Variants in STK33 observed in about 807,000 individuals in gnomAD.
STK33 encodes the protein serine/threonine kinase 33, also known as serine/threonine-protein kinase 33.
A neutral mutation model predicts 58.0 loss-of-function variants in STK33; 52 were observed. The ratio of observed to expected loss-of-function variants is 0.90; its 90% CI spans 0.72 to 1.13. The LOEUF (loss-of-function observed/expected upper bound fraction) is 1.13, where lower values mean the gene tolerates loss of function less well. Ranked by LOEUF, STK33 falls within the 50% of genes most tolerant of loss-of-function variation. The pLI is 0.00. For missense variants in STK33, 630 were observed against 604.2 expected, an observed-to-expected ratio of 1.04 and a Z score of -0.45; for synonymous variants, 215 against 200.1, an observed-to-expected ratio of 1.07 and a Z score of -0.63.
the STK33 span, among the ~76,000 whole-genome samples, chr11:8,357,385 T>C: frequency 6.6e-6 from 1 of 152,242 alleles, no homozygotes; most frequent in Non-Finnish European, 1.5e-5. Flanking sequence ...GTGATGGGGC[T>C]GGAGCTGGTC....
chr11:8,411,472 TG>T (rs1181841695), intron 15 of STK33, among the ~76,000 whole-genome samples: 1 of 152,216 alleles, frequency 6.6e-6, no homozygotes, highest in Non-Finnish European at 1.5e-5. Flanking sequence ...CTTTTGTTTT[TG>T]TTTTTAACAC....
intron 1 of STK33, among the ~76,000 whole-genome samples, chr11:8,520,348 A>C (rs1953290321): frequency 6.6e-6 from 1 of 152,184 alleles, no homozygotes; most frequent in African/African-American, 2.4e-5. Flanking sequence ...ATATCTCAAA[A>C]TAATAAGAGC....
At chr11:8,459,260 C>A (rs971862732) in intron 8 of STK33, among the ~76,000 whole-genome samples, 1 of 152,258 alleles carries the variant, frequency 6.6e-6, no homozygotes, top group Admixed American at 6.5e-5. Flanking sequence ...TGATCAGTAC[C>A]ATGGCACAAC....
chr11:8,477,409 G>A (rs1442130807), intron 2 of STK33, 126 bp from the exon 3 acceptor site: 4 of 152,078 alleles, frequency 2.6e-5, no homozygotes, highest in Admixed American at 1.3e-4. Context: ...TTCTCTCTGA[G>A]GTGTAGAGAA....
At chr11:8,538,317 T>C (rs947429018) in intron 1 of STK33, among the ~76,000 whole-genome samples, 3 of 152,208 alleles carry the variant, frequency 2.0e-5, no homozygotes, top group Non-Finnish European at 4.4e-5. Flanking sequence ...GGCACTACAA[T>C]TATCTGAATT....
chr11:8,382,215 G>A, the STK33 span, among the ~76,000 whole-genome samples: 1 of 152,248 alleles, frequency 6.6e-6, no homozygotes, highest in Admixed American at 6.5e-5. Context: ...ACATTGGGGT[G>A]ACACTTGGGA....
intron 2 of STK33, among the ~76,000 whole-genome samples, chr11:8,479,569 A>C (rs1490278601): frequency 6.6e-6 from 1 of 152,028 alleles, no homozygotes; most frequent in Non-Finnish European, 1.5e-5. Context: ...CTGGCCAGGC[A>C]CAGTGGTTCA....
chr11:8,444,946 T>C (rs775017832), intron 11 of STK33, among the ~76,000 whole-genome samples: 2 of 152,158 alleles, frequency 1.3e-5, no homozygotes, highest in Admixed American at 6.5e-5. Flanking sequence ...GGTAGCTTGA[T>C]GGGGATAGCA....
In STK33 at chr11:8,392,498, C is replaced by A. The variant is rs1175679258; in HGVS notation, c.*12G>T. On this transcript the variant is annotated 3_prime_UTR_variant, in exon 16 of 16. Coordinates refer to ENST00000687296, the MANE Select transcript of STK33 (RefSeq NM_001352389.2). The stretch of plus-strand genomic sequence containing the variant: ...AGCTTTGTTTTTGTACTGTCCAACA[C>A]TGGAGGGAACCTTAGAGTTTCTTTT... 1.9e-6 allele frequency: 3 copies of A among 1,613,904 alleles called. No homozygotes were observed. Among genetic ancestry groups the A allele is most frequent in the Non-Finnish European group, 2.5e-6 (3 of 1,180,006 alleles).
At chr11:8,579,861 A>G (rs901077473) in intron 1 of STK33, among the ~76,000 whole-genome samples, 2 of 152,198 alleles carry the variant, frequency 1.3e-5, no homozygotes, top group Non-Finnish European at 2.9e-5. Context: ...CGGGTATATA[A>G]AAAGGTGTTC....
intron 1 of STK33, chr11:8,533,470 C>T (rs1954711228): frequency 1.3e-5 from 2 of 152,238 alleles, no homozygotes; most frequent in Non-Finnish European, 2.9e-5. Flanking sequence ...GAAGGTGGCA[C>T]CAGAGAACTA....
At chr11:8,587,814 C>T (rs2031952108) in intron 1 of STK33, among the ~76,000 whole-genome samples, 1 of 152,152 alleles carries the variant, frequency 6.6e-6, no homozygotes, top group South Asian at 2.1e-4. Context: ...CAAAGGGGCA[C>T]CCATATGGGT....
chr11:8,533,256 G>T (rs1370931719), intron 1 of STK33: 5 of 152,098 alleles, frequency 3.3e-5, no homozygotes, highest in African/African-American at 1.2e-4. Context: ...TTCAAGATTT[G>T]CATATTTACA....
chr11:8,429,677 C>T (rs10500704), intron 14 of STK33, among the ~76,000 whole-genome samples: 32,561 of 151,922 alleles, frequency 0.21, 3,858 homozygotes, highest in South Asian at 0.35. Flanking sequence ...ACTGAAGTTC[C>T]GTCTGTCCTG....
Position 8,521,359 on chromosome 11 carries a change from C to A in STK33, c.-465-40745G>T, listed in dbSNP as rs551403341. 3.2e-3 allele frequency among the ~76,000 whole-genome samples: 486 copies of A among 152,168 alleles called. 7 individuals are homozygous for A. The highest frequency in any genetic ancestry group is 0.029 in the South Asian group (141 of 4,814). ...CATCTGATCTTTGACAAACCTTACA[C>A]AAACAAGAAATGGGGAAAGGATTCC... On this transcript the variant is annotated intron_variant, in intron 1 of 15. Transcript: ENST00000687296.
At chr11:8,483,163 G>A (rs1206052712) in intron 1 of STK33, among the ~76,000 whole-genome samples, 1 of 152,060 alleles carries the variant, frequency 6.6e-6, no homozygotes, top group Non-Finnish European at 1.5e-5. Context: ...AGTTTCATGG[G>A]GAAGGTAATA....
intron 8 of STK33, 75 bp from the exon 9 acceptor site, chr11:8,457,554 A>G: frequency 8.2e-7 from 1 of 1,215,942 alleles, no homozygotes; most frequent in East Asian, 2.4e-5. Flanking sequence ...TATATCACAT[A>G]TACAATCACA....
the STK33 span, among the ~76,000 whole-genome samples, chr11:8,361,721 G>C: frequency 6.6e-6 from 1 of 152,212 alleles, no homozygotes; most frequent in Admixed American, 6.5e-5. This position sits in a 1 kb window ranked among gnomAD's most constrained non-coding sequence, Gnocchi z 4.8. Context: ...TGTCTTATCT[G>C]TACGTGGAGC....
intron 1 of STK33, among the ~76,000 whole-genome samples, chr11:8,489,099 T>C (rs1950390846): frequency 6.6e-6 from 1 of 151,546 alleles, no homozygotes; most frequent in Admixed American, 6.6e-5. Context: ...TCTCTAGTAA[T>C]GTAAAGAATC....
Sources: allele counts gnomAD v4.1 joint callset (sites outside exome capture counted in the v4.1 genomes callset), GRCh38; gene constraint gnomAD v4.1.1; non-coding constraint Gnocchi (gnomAD v3.1); transcripts MANE v1.5; gene names NCBI Gene and HGNC (gene_info 2026-07-23, HGNC 2026-07-21).